Variants in STEEP1 observed in about 807,000 individuals in gnomAD.
The protein encoded by STEEP1 is STING1 ER exit protein 1.
A neutral mutation model predicts 19.2 loss-of-function variants in STEEP1; 3 were observed. The ratio of observed to expected loss-of-function variants is 0.16; its 90% confidence interval spans 0.07 to 0.40. The LOEUF (loss-of-function observed/expected upper bound fraction) is 0.40. Ranked by LOEUF, STEEP1 falls within the 10% of genes least tolerant of loss-of-function variation. STEEP1 has a pLI of 0.99. For synonymous variants in STEEP1, 46 were observed against 63.7 expected (o/e 0.72, Z 1.32); for missense variants, 54 against 177.1 (o/e 0.30, Z 3.94).
chrX:119,541,179 T>G, intron 6 of STEEP1, 149 bp downstream of exon 6: 1 of 455,849 alleles, frequency 2.2e-6, no homozygotes, highest in Non-Finnish European at 3.9e-6. Context: ...ATACTGACAG[T>G]CACAGACCAG....
chrX:119,551,933 A>C (rs1603306216), intron 2 of STEEP1, among the ~76,000 whole-genome samples: 2 of 99,208 alleles, frequency 2.0e-5, no homozygotes, highest in Admixed American at 1.2e-4. Context: ...ACTGAGTCTC[A>C]CTCTGTGACC....
intron 2 of STEEP1, among the ~76,000 whole-genome samples, 163 bp from the exon 3 acceptor site, chrX:119,545,667 C>T (rs1343118864): frequency 2.7e-5 from 3 of 110,807 alleles, no homozygotes; most frequent in African/African-American, 6.5e-5. Context: ...GAGGCTGAGG[C>T]GGGCGGATCA....
At position 119,538,953 on chromosome X, in the gene STEEP1, C is replaced by T. The variant is rs1047312310; in HGVS notation, c.*774G>A. 18 of 110,935 alleles carry T rather than the reference C, an allele frequency of 1.6e-4. No individual in the cohort carries two copies. The highest frequency in any genetic ancestry group is 1.5e-3 in the Admixed American group (16 of 10,419). The allele number at this position is 110,935 out of a possible 1,213,427, so 9.1% of individuals were successfully genotyped here. A position where few individuals can be genotyped will look rare whatever the true frequency, so the allele number is the denominator to read the frequency against. On this transcript the variant is annotated 3_prime_UTR_variant, in exon 7 of 7. Coordinates refer to ENST00000644802, the MANE Select transcript of STEEP1 (RefSeq NM_022101.4). ...CAAACCACAGCCAATTCCAAGAACC[C>T]TTCTAAGAACAGAGACAGAGTCACT...
At position 119,539,467 on chromosome X, in the gene STEEP1, G is replaced by T; in HGVS notation, c.*260C>A. 4.3e-6 allele frequency: 1 copy of T among 229,951 alleles called. No homozygotes were observed. Among genetic ancestry groups the T allele is most frequent in the Non-Finnish European group, 7.8e-6 (1 of 127,454 alleles). The allele number at this position is 229,951 out of a possible 1,213,427, so 19.0% of individuals were successfully genotyped here. A position where few individuals can be genotyped will look rare whatever the true frequency, so the allele number is the denominator to read the frequency against. ...AACTGCTTGAACCCGGGAGGCGGAG[G>T]TTGCAGTGAGCCGAGATCGCACCAC... On this transcript the variant is annotated 3_prime_UTR_variant, in exon 7 of 7. Transcript: ENST00000644802.
chrX:119,562,214 T>C (rs1466997410), intron 1 of STEEP1, among the ~76,000 whole-genome samples: 1 of 111,493 alleles, frequency 9.0e-6, no homozygotes, highest in South Asian at 3.7e-4. Context: ...CTGGCCAACA[T>C]GGTGAAACCC....
At chrX:119,548,753 A>AC (rs1486722865) in intron 2 of STEEP1, among the ~76,000 whole-genome samples, 1 of 111,319 alleles carries the variant, frequency 9.0e-6, no homozygotes, top group Non-Finnish European at 1.9e-5. Context: ...TCAAAGAGAT[A>AC]TGTGCACTCT....
At chrX:119,559,339 G>C (rs2053305694) in intron 2 of STEEP1, among the ~76,000 whole-genome samples, 1 of 111,291 alleles carries the variant, frequency 9.0e-6, no homozygotes, top group Non-Finnish European at 1.9e-5. Context: ...AGTAACCTGT[G>C]CTCCAGTCAC....
Position 119,539,545 on chromosome X carries a change from A to G in STEEP1, c.*182T>C. The G allele has an allele frequency of 5.5e-6, 2 of 361,970 alleles. No homozygotes were observed. The highest frequency in any genetic ancestry group is 9.6e-6 in the Non-Finnish European group (2 of 207,551). 29.8% of individuals were successfully genotyped at this position (361,970 alleles called of 1,213,427 possible). On this transcript the variant is annotated 3_prime_UTR_variant, in exon 7 of 7. Transcript: ENST00000644802. ...GACTTTATCTCAAAAAAAAAAAAAAAAAAAAGAAAGCAAGTTAAATGGACT... is the reference window on the plus strand; with the variant it reads ...GACTTTATCTCAAAAAAAAAAAAAAGAAAAAGAAAGCAAGTTAAATGGACT...
chrX:119,559,133 G>A (rs944492051), intron 2 of STEEP1, among the ~76,000 whole-genome samples: 1 of 109,759 alleles, frequency 9.1e-6, no homozygotes, highest in Admixed American at 9.8e-5. Flanking sequence ...CAGGAGAATC[G>A]CTTGAACCTG....
intron 1 of STEEP1, among the ~76,000 whole-genome samples, chrX:119,560,662 AGAT>A (rs1306466021): frequency 3.6e-5 from 4 of 111,948 alleles, no homozygotes; most frequent in Non-Finnish European, 7.5e-5. Flanking sequence ...AAGATGAGTT[AGAT>A]GATATTATCT....
intron 2 of STEEP1, 48 bp from the exon 3 acceptor site, chrX:119,545,552 T>C: frequency 1.1e-6 from 1 of 899,387 alleles, no homozygotes; most frequent in Non-Finnish European, 1.6e-6. Flanking sequence ...TCTCATTATG[T>C]ATCAACCTTA....
rs184233744 is a variant in STEEP1 at position 119,561,068 on chromosome X, G to C, written c.125-683C>G. Among the ~76,000 whole-genome samples the C allele has an allele frequency of 2.2e-4, 24 of 109,375 alleles. No homozygotes were observed. In the East Asian group the frequency reaches 6.6e-3, roughly 30 times the overall value. The allele number at this position is 109,375 out of a possible 115,157, so 95.0% of individuals were successfully genotyped here. A position where few individuals can be genotyped will look rare whatever the true frequency, so the allele number is the denominator to read the frequency against. On this transcript the variant is annotated intron_variant, in intron 1 of 6. Transcript: ENST00000644802. Reference sequence around the variant, plus strand: ...CTCATGCCTGTAATCCCAGCACTTTGGGAGGTCAAGACGAGCAGATCACCT... The same window carrying C: ...CTCATGCCTGTAATCCCAGCACTTTCGGAGGTCAAGACGAGCAGATCACCT...
At chrX:119,556,312 G>A (rs1822893527) in intron 2 of STEEP1, among the ~76,000 whole-genome samples, 2 of 110,996 alleles carry the variant, frequency 1.8e-5, no homozygotes, top group Admixed American at 1.9e-4. Flanking sequence ...GCAGAAGAGT[G>A]TCAGAGTACG....
chrX:119,559,879 T>A, intron 2 of STEEP1, among the ~76,000 whole-genome samples: 1 of 83,455 alleles, frequency 1.2e-5, no homozygotes, highest in Non-Finnish European at 2.5e-5. Context: ...TGAAACTGCG[T>A]CTCTACTAAA....
At chrX:119,564,796 A>C (rs1419705345) in intron 1 of STEEP1, among the ~76,000 whole-genome samples, 2 of 111,117 alleles carry the variant, frequency 1.8e-5, no homozygotes, top group African/African-American at 3.3e-5. Flanking sequence ...GCTATAAAAG[A>C]AGCAACGAAA....
intron 2 of STEEP1, among the ~76,000 whole-genome samples, chrX:119,550,529 G>A (rs1172790489): frequency 9.0e-6 from 1 of 111,696 alleles, no homozygotes; most frequent in African/African-American, 3.3e-5. Flanking sequence ...GATGAATTTA[G>A]CCCCCTACCT....
Position 119,539,682 on chromosome X carries a change from G to A in STEEP1, c.*45C>T, listed in dbSNP as rs779254765. The A allele has an allele frequency of 9.6e-7, 1 of 1,036,414 alleles. No homozygotes were observed. The highest frequency in any genetic ancestry group is 3.0e-5 in the East Asian group (1 of 33,081). 85.4% of individuals were successfully genotyped at this position (1,036,414 alleles called of 1,213,427 possible). On this transcript the variant is annotated 3_prime_UTR_variant, in exon 7 of 7. Coordinates refer to ENST00000644802, the MANE Select transcript of STEEP1 (RefSeq NM_022101.4). ...TAATCAAGAAATTACTTTGCCTCCT[G>A]ATCTAAATGCTTGCCTCTAGTCTAG...
intron 1 of STEEP1, among the ~76,000 whole-genome samples, chrX:119,562,533 CA>C (rs143743500): frequency 0.16 from 11,120 of 71,360 alleles, 1,430 homozygotes; most frequent in African/African-American, 0.4. Context: ...AACTCCGTCT[CA>C]AAAAAAAAAA....
chrX:119,559,677 C>T (rs1470510506), intron 2 of STEEP1, among the ~76,000 whole-genome samples: 1 of 111,713 alleles, frequency 9.0e-6, no homozygotes, highest in Non-Finnish European at 1.9e-5. Flanking sequence ...GTGCCTGGCA[C>T]ACGGTATGCT....
Sources: allele counts gnomAD v4.1 joint callset (sites outside exome capture counted in the v4.1 genomes callset), GRCh38; gene constraint gnomAD v4.1.1; transcripts MANE v1.5; gene names NCBI Gene and HGNC (gene_info 2026-07-23, HGNC 2026-07-21).